The following RPS6KA2 variants were observed in gnomAD, a reference collection of about 807,000 sequenced individuals.
RPS6KA2 encodes ribosomal protein S6 kinase A2, also known as ribosomal protein S6 kinase alpha-2.
Under a neutral mutation model 91.8 loss-of-function variants are expected in RPS6KA2, and 42 were observed. The observed-to-expected ratio is 0.46, with a 90% CI of 0.36 to 0.59. RPS6KA2 has a LOEUF of 0.59. Among genes scored for constraint, RPS6KA2 ranks in the 20% least tolerant of loss-of-function variants. The pLI, the probability that RPS6KA2 is intolerant of heterozygous loss-of-function variation, is 0.00. For missense variants in RPS6KA2, 798 were observed against 978.5 expected (o/e 0.82, Z 2.46); for synonymous variants, 414 against 393.6 (o/e 1.05, Z -0.61).
At position 166,563,364 on chromosome 6, in the gene RPS6KA2, C is replaced by T. The variant is rs910255431; in HGVS notation, c.100-24580G>A. The stretch of plus-strand genomic sequence containing the variant: ...TTCTTTTCCGCAGCTCACCTGTTCC[C>T]GGCTTTTCCTCCCAGTCTCCTGGGC... On this transcript the variant is annotated intron_variant, in intron 1 of 20. Transcript: ENST00000265678. The surrounding 1 kb of genome is among the most constrained non-coding windows in gnomAD (Gnocchi z 4.1). Among the ~76,000 whole-genome samples, 5 of 152,332 alleles carry T rather than the reference C, an allele frequency of 3.3e-5. No individual in the cohort carries two copies. The highest frequency in any genetic ancestry group is 3.9e-4 in the East Asian group (2 of 5,184).
chr6:166,591,187 C>G (rs1367452765), intron 1 of RPS6KA2, among the ~76,000 whole-genome samples: 1 of 152,226 alleles, frequency 6.6e-6, no homozygotes, highest in African/African-American at 2.4e-5. Context: ...GGCCAGCGTG[C>G]AAGGACTCAG....
intron 2 of RPS6KA2, among the ~76,000 whole-genome samples, chr6:166,854,501 G>A (rs934638068): frequency 7.9e-5 from 12 of 152,140 alleles, no homozygotes; most frequent in African/African-American, 2.7e-4. Context: ...TCTTTTCCAT[G>A]AACCATAATG....
At chr6:166,510,184 T>C (rs1358610475) in intron 4 of RPS6KA2, 93 bp downstream of exon 4, 1 of 790,596 alleles carries the variant, frequency 1.3e-6, no homozygotes, top group Admixed American at 2.2e-5. Flanking sequence ...AAAGATTTTC[T>C]TCTTTCTGAT....
intron 17 of RPS6KA2, among the ~76,000 whole-genome samples, chr6:166,422,065 A>C (rs765538394): frequency 6.6e-6 from 1 of 151,902 alleles, no homozygotes; most frequent in Non-Finnish European, 1.5e-5. Context: ...ACACCTGGCT[A>C]ATTTTTGTAT....
At chr6:166,835,465 T>G (rs190043657) in intron 2 of RPS6KA2, among the ~76,000 whole-genome samples, 21 of 152,356 alleles carry the variant, frequency 1.4e-4, no homozygotes, top group African/African-American at 5.0e-4. Context: ...AGCCATGTTT[T>G]GTAATTTTCA....
intron 2 of RPS6KA2, among the ~76,000 whole-genome samples, chr6:166,817,786 G>T (rs1037679281): frequency 6.6e-6 from 1 of 150,884 alleles, no homozygotes; most frequent in Non-Finnish European, 1.5e-5. Context: ...GCAGTGGTGC[G>T]ATCTTGGCTC....
intron 1 of RPS6KA2, among the ~76,000 whole-genome samples, chr6:166,608,876 G>A (rs149608995): frequency 1.5e-3 from 226 of 152,102 alleles, no homozygotes; most frequent in African/African-American, 5.2e-3. Context: ...CCAAACAACC[G>A]GCAAGCTAAG....
intron 8 of RPS6KA2, among the ~76,000 whole-genome samples, chr6:166,498,022 T>C (rs1781853872): frequency 6.6e-6 from 1 of 152,094 alleles, no homozygotes. Context: ...GCCCACACAG[T>C]TCCTAGGGCG....
intron 3 of RPS6KA2, among the ~76,000 whole-genome samples, chr6:166,528,488 C>A (rs1354487806): frequency 5.3e-5 from 8 of 150,154 alleles, no homozygotes; most frequent in African/African-American, 4.9e-5. Flanking sequence ...CTAGGCAATA[C>A]CATTCAGGAC....
chr6:166,589,959 A>C (rs1785303880), intron 1 of RPS6KA2, among the ~76,000 whole-genome samples: 1 of 152,202 alleles, frequency 6.6e-6, no homozygotes, highest in African/African-American at 2.4e-5. Flanking sequence ...AGATACACAG[A>C]AAACAAGAAC....
At chr6:166,578,217 CAACGTG>C (rs1484207907) in intron 1 of RPS6KA2, among the ~76,000 whole-genome samples, 1 of 152,178 alleles carries the variant, frequency 6.6e-6, no homozygotes, top group Non-Finnish European at 1.5e-5. Flanking sequence ...AGATGCTGGG[CAACGTG>C]TTCCTTCCCT....
rs1780198691 is a variant in RPS6KA2 at position 166,459,352 on chromosome 6, G to T, written c.1075+97C>A. The stretch of plus-strand genomic sequence containing the variant: ...AATGGACAGTTATTTTCCATGAAAA[G>T]AATTCTGAGGCATGGGAATTTCTTG... On this transcript the variant is annotated intron_variant, in intron 12 of 20. Coordinates refer to ENST00000265678, the MANE Select transcript of RPS6KA2 (RefSeq NM_021135.6). This position sits in a 1 kb window ranked among gnomAD's most constrained non-coding sequence, Gnocchi z 4.9. 4.1e-6 allele frequency: 3 copies of T among 725,190 alleles called. No individual in the cohort carries two copies. The highest frequency in any genetic ancestry group is 1.8e-5 in the African/African-American group (1 of 56,438). The allele number at this position is 725,190 out of a possible 1,614,324, so 44.9% of individuals were successfully genotyped here. A position where few individuals can be genotyped will look rare whatever the true frequency, so the allele number is the denominator to read the frequency against.
At chr6:166,750,878 G>C (rs950687499) in intron 2 of RPS6KA2, among the ~76,000 whole-genome samples, 3 of 152,190 alleles carry the variant, frequency 2.0e-5, no homozygotes, top group Non-Finnish European at 4.4e-5. Context: ...ACTGGCCAAG[G>C]GCTAAGACAT....
chr6:166,515,216 G>A (rs3778418), intron 3 of RPS6KA2, among the ~76,000 whole-genome samples: 12,968 of 152,228 alleles, frequency 0.085, 695 homozygotes, highest in East Asian at 0.2. Flanking sequence ...TTTGGTGGCA[G>A]CAGATGCTCA....
intron 10 of RPS6KA2, among the ~76,000 whole-genome samples, chr6:166,471,404 G>A (rs1780764747): frequency 6.6e-6 from 1 of 152,236 alleles, no homozygotes; most frequent in South Asian, 2.1e-4. Flanking sequence ...AGCGCCTCTA[G>A]GTGGTCAACG....
intron 1 of RPS6KA2, among the ~76,000 whole-genome samples, chr6:166,567,941 A>G (rs564493194): frequency 6.6e-6 from 1 of 152,286 alleles, no homozygotes; most frequent in Admixed American, 6.5e-5. Context: ...GAAAGAGCAC[A>G]CCACCAAAGT....
intron 2 of RPS6KA2, among the ~76,000 whole-genome samples, chr6:166,764,760 G>T (rs1778263788): frequency 6.6e-6 from 1 of 152,184 alleles, no homozygotes; most frequent in Non-Finnish European, 1.5e-5. Flanking sequence ...CAGGGACTGG[G>T]ACAGCGGCCA....
chr6:166,522,762 C>T (rs775125778), intron 3 of RPS6KA2, among the ~76,000 whole-genome samples: 16 of 152,198 alleles, frequency 1.1e-4, no homozygotes, highest in Non-Finnish European at 2.1e-4. Context: ...AAACGGACTT[C>T]CACGAGCCAT....
chr6:166,802,218 T>C (rs845658), intron 2 of RPS6KA2, among the ~76,000 whole-genome samples: 105,022 of 150,992 alleles, frequency 0.7, 36,752 homozygotes, highest in East Asian at 0.94. Flanking sequence ...TGCAGTGAGC[T>C]GACATCACGC....
Sources: gnomAD v4.1 joint callset for allele counts (sites outside exome capture counted in the v4.1 genomes callset) on GRCh38, gnomAD v4.1.1 for gene constraint, Gnocchi (gnomAD v3.1) non-coding constraint, MANE v1.5 for transcripts, NCBI Gene and HGNC (gene_info 2026-07-23, HGNC 2026-07-21) for gene names.